The following LRRIQ1 variants were observed in gnomAD, a reference collection of about 807,000 sequenced individuals.
LRRIQ1 encodes the protein leucine-rich repeat- and IQ domain-containing protein 1.
LRRIQ1 carries 210 observed loss-of-function variants against 211.9 expected under a neutral mutation model. The observed-to-expected ratio is 0.99, with a 90% CI of 0.89 to 1.11. The LOEUF is 1.11. LRRIQ1 is among the 50% of genes most tolerant of loss of function. LRRIQ1 has a pLI of 0.00. For missense variants in LRRIQ1, 2,136 were observed against 1,939.5 expected (o/e 1.10, Z -1.90); for synonymous variants, 699 against 650.1 (o/e 1.08, Z -1.14).
intron 18 of LRRIQ1, among the ~76,000 whole-genome samples, chr12:85,133,476 C>T (rs140582558): frequency 5.3e-5 from 8 of 152,066 alleles, no homozygotes; most frequent in African/African-American, 9.6e-5. Flanking sequence ...GTAATTCTTC[C>T]GAGGGTGTGA....
intron 24 of LRRIQ1, among the ~76,000 whole-genome samples, chr12:85,202,237 A>G (rs905837092): frequency 2.0e-5 from 3 of 152,166 alleles, no homozygotes; most frequent in African/African-American, 7.2e-5. Flanking sequence ...AGTATGTGCC[A>G]TAAGCAGGTG....
At chr12:85,176,873 T>A (rs758925846) in intron 24 of LRRIQ1, among the ~76,000 whole-genome samples, 18 of 152,054 alleles carry the variant, frequency 1.2e-4, no homozygotes, top group Non-Finnish European at 2.1e-4. Context: ...CCTAAAATGG[T>A]TTTTGGCCTG....
intron 24 of LRRIQ1, among the ~76,000 whole-genome samples, chr12:85,212,279 C>T (rs1308478662): frequency 6.6e-6 from 1 of 151,716 alleles, no homozygotes; most frequent in African/African-American, 2.4e-5. Context: ...CAAGGTAAGA[C>T]CCTGTCTCAA....
At chr12:85,233,697 G>A (rs992662943) in intron 26 of LRRIQ1, among the ~76,000 whole-genome samples, 1 of 152,108 alleles carries the variant, frequency 6.6e-6, no homozygotes, top group Non-Finnish European at 1.5e-5. Flanking sequence ...GTGTGTTTTG[G>A]AAAATATTTT....
At chr12:85,210,158 T>A (rs1214126074) in intron 24 of LRRIQ1, among the ~76,000 whole-genome samples, 2 of 152,172 alleles carry the variant, frequency 1.3e-5, no homozygotes, top group Non-Finnish European at 2.9e-5. Flanking sequence ...TATTAAATTA[T>A]GAAAATGACA....
chr12:85,232,771 TAA>T lies in LRRIQ1; in HGVS notation c.5016+17_5016+18del. 1 of 1,600,264 alleles carries T rather than the reference TAA, an allele frequency of 6.2e-7. No homozygotes were observed. Among genetic ancestry groups the T allele is most frequent in the Non-Finnish European group, 8.6e-7 (1 of 1,168,018 alleles). On this transcript the variant is annotated intron_variant, in intron 26 of 26. Coordinates refer to ENST00000393217, the MANE Select transcript of LRRIQ1 (RefSeq NM_001079910.2). Reference sequence around the variant, plus strand: ...TTCAGCTTGTGGTAAGAAATGTGCTTAAAGTTACAGAAAAATGTTGTAGACAC... The same window carrying T: ...TTCAGCTTGTGGTAAGAAATGTGCTTAGTTACAGAAAAATGTTGTAGACAC...
intron 24 of LRRIQ1, among the ~76,000 whole-genome samples, chr12:85,190,735 G>A (rs1241388447): frequency 6.6e-6 from 1 of 151,746 alleles, no homozygotes; most frequent in Non-Finnish European, 1.5e-5. Context: ...TAATAATGTG[G>A]GCCTCTCGGA....
chr12:85,189,018 A>T (rs1445391799), intron 24 of LRRIQ1, among the ~76,000 whole-genome samples: 1 of 152,156 alleles, frequency 6.6e-6, no homozygotes, highest in African/African-American at 2.4e-5. Context: ...TAGAGACTGC[A>T]CAAGGTGGAG....
chr12:85,187,492 A>G (rs530715889), intron 24 of LRRIQ1, among the ~76,000 whole-genome samples: 1 of 152,202 alleles, frequency 6.6e-6, no homozygotes, highest in South Asian at 2.1e-4. Flanking sequence ...AAATCAGCAA[A>G]GAGTACTCAT....
intron 1 of LRRIQ1, 113 bp downstream of exon 1, chr12:85,036,520 C>A (rs1878094625): frequency 6.6e-6 from 1 of 152,292 alleles, no homozygotes. Flanking sequence ...AAGGGAGAGA[C>A]CGCGGGTCAG....
intron 24 of LRRIQ1, among the ~76,000 whole-genome samples, chr12:85,173,344 A>G (rs1252583386): frequency 6.6e-6 from 1 of 152,176 alleles, no homozygotes; most frequent in African/African-American, 2.4e-5. Context: ...CCATTCTTCT[A>G]ATTAGCTTCC....
intron 4 of LRRIQ1, among the ~76,000 whole-genome samples, chr12:85,045,362 T>G (rs1409831533): frequency 6.6e-6 from 1 of 151,914 alleles, no homozygotes; most frequent in East Asian, 1.9e-4. Context: ...TTATCCAGCT[T>G]TCTCTCCTTT....
Position 85,065,396 on chromosome 12 carries a change from TAA to T in LRRIQ1, c.2527_2528del (p.Lys843ValfsTer3). On this transcript the variant is annotated frameshift_variant, in exon 9 of 27. Coordinates refer to ENST00000393217, the MANE Select transcript of LRRIQ1 (RefSeq NM_001079910.2). LOFTEE classifies it high-confidence loss of function. The stretch of plus-strand genomic sequence containing the variant: ...ACAGCCTGAGTAATTGTAAAAAACT[TAA>T]GTACATTGATGCACAGGTATGCTCT... ...LHSLSNCKKLKYIDAQENHIE... is the reference protein window; with the variant it reads ...LHSLSNCKKLXYIDAQENHIE... 1 of 1,609,040 alleles carries T rather than the reference TAA, an allele frequency of 6.2e-7. No homozygotes were observed. Among genetic ancestry groups the T allele is most frequent in the Non-Finnish European group, 8.5e-7 (1 of 1,177,078 alleles).
At chr12:85,220,699 T>C (rs962236873) in intron 24 of LRRIQ1, among the ~76,000 whole-genome samples, 4 of 151,662 alleles carry the variant, frequency 2.6e-5, no homozygotes, top group South Asian at 4.2e-4. Context: ...AATGTGCAGG[T>C]TTGTTACATA....
At chr12:85,149,422 G>C (rs1890096548) in intron 19 of LRRIQ1, among the ~76,000 whole-genome samples, 1 of 151,780 alleles carries the variant, frequency 6.6e-6, no homozygotes. Context: ...TTTTCCCATT[G>C]CTTATTTTTG....
intron 13 of LRRIQ1, among the ~76,000 whole-genome samples, chr12:85,102,959 A>AAAAAATATATAT (rs1458673370): frequency 1.8e-5 from 2 of 108,464 alleles, no homozygotes; most frequent in African/African-American, 8.3e-5. Context: ...AAAAAAAAAA[A>AAAAAATATATAT]ATATATATAT....
At chr12:85,180,623 A>G (rs1317019845) in intron 24 of LRRIQ1, among the ~76,000 whole-genome samples, 3 of 151,890 alleles carry the variant, frequency 2.0e-5, no homozygotes, top group Non-Finnish European at 4.4e-5. Flanking sequence ...TCATTTTTGA[A>G]TTTGCCATAA....
chr12:85,125,365 C>T (rs1391632405), intron 17 of LRRIQ1, among the ~76,000 whole-genome samples: 1 of 152,014 alleles, frequency 6.6e-6, no homozygotes, highest in Non-Finnish European at 1.5e-5. Context: ...AAGTAAACCC[C>T]CTTATAACCA....
intron 19 of LRRIQ1, among the ~76,000 whole-genome samples, chr12:85,142,438 C>T (rs1889606973): frequency 6.6e-6 from 1 of 151,548 alleles, no homozygotes; most frequent in African/African-American, 2.4e-5. Context: ...AGCTAATTAG[C>T]ATATGCATTA....
Sources: gnomAD v4.1 joint callset for allele counts (sites outside exome capture counted in the v4.1 genomes callset) on GRCh38, gnomAD v4.1.1 for gene constraint, MANE v1.5 for transcripts, NCBI Gene and HGNC (gene_info 2026-07-23, HGNC 2026-07-21) for gene names.